Variants in PEX5L observed in about 807,000 individuals in gnomAD.
The protein encoded by PEX5L is PEX5-related protein.
A neutral mutation model predicts 84.0 loss-of-function variants in PEX5L; 30 were observed. The observed-to-expected ratio is 0.36, with a 90% CI of 0.27 to 0.48. The LOEUF is 0.48. Among genes scored for constraint, PEX5L ranks in the 20% least tolerant of loss-of-function variants. The pLI is 0.99. For missense variants in PEX5L, 533 were observed against 754.6 expected, an observed-to-expected ratio of 0.71 and a Z score of 3.44; for synonymous variants, 270 against 283.1, an observed-to-expected ratio of 0.95 and a Z score of 0.46.
chr3:179,973,413 G>C, intron 1 of PEX5L: 1 of 1,101,738 alleles, frequency 9.1e-7, no homozygotes, highest in Non-Finnish European at 1.1e-6. Flanking sequence ...TTTTTGGCTA[G>C]CACAAAAAAC....
chr3:179,891,218 T>C (rs1336936990), intron 3 of PEX5L, among the ~76,000 whole-genome samples: 4 of 152,164 alleles, frequency 2.6e-5, no homozygotes, highest in South Asian at 4.1e-4. Flanking sequence ...ACACCTGGAC[T>C]GATGGAACTG....
chr3:180,013,236 GT>G (rs896810263), intron 1 of PEX5L, among the ~76,000 whole-genome samples: 33 of 152,144 alleles, frequency 2.2e-4, no homozygotes, highest in African/African-American at 7.7e-4. Flanking sequence ...TTTTTGTAAT[GT>G]TAAAGCATTA....
chr3:179,951,745 T>A (rs1200186407), intron 2 of PEX5L, among the ~76,000 whole-genome samples: 1 of 152,138 alleles, frequency 6.6e-6, no homozygotes, highest in Non-Finnish European at 1.5e-5. Context: ...AGCCACTTTG[T>A]TTATATATGA....
intron 2 of PEX5L, among the ~76,000 whole-genome samples, chr3:179,943,596 G>C (rs1776730430): frequency 6.6e-6 from 1 of 152,174 alleles, no homozygotes; most frequent in South Asian, 2.1e-4. Flanking sequence ...AACTTTCTGG[G>C]AAGCTGAATG....
At chr3:180,032,961 T>G (rs1446733146) in intron 1 of PEX5L, among the ~76,000 whole-genome samples, 1 of 152,200 alleles carries the variant, frequency 6.6e-6, no homozygotes, top group Non-Finnish European at 1.5e-5. Context: ...AGGGCCTCAA[T>G]TATGATAACC....
At chr3:179,864,149 C>T (rs554029488) in intron 7 of PEX5L, among the ~76,000 whole-genome samples, 2 of 152,040 alleles carry the variant, frequency 1.3e-5, no homozygotes, top group South Asian at 2.1e-4. Context: ...TACCCAGTCT[C>T]GGGTATGTTT....
intron 7 of PEX5L, 132 bp from the exon 8 acceptor site, chr3:179,859,289 G>A: frequency 1.5e-6 from 1 of 683,138 alleles, no homozygotes; most frequent in Non-Finnish European, 2.5e-6. Context: ...GACATTTTTG[G>A]AGTACTGTGC....
At chr3:179,845,735 T>A (rs1739069760) in intron 8 of PEX5L, among the ~76,000 whole-genome samples, 1 of 152,194 alleles carries the variant, frequency 6.6e-6, no homozygotes, top group African/African-American at 2.4e-5. Context: ...TCCCTTAACA[T>A]CTCTGGATTT....
chr3:180,025,756 C>T (rs143622676), intron 1 of PEX5L, among the ~76,000 whole-genome samples: 106 of 152,298 alleles, frequency 7.0e-4, no homozygotes, highest in Middle Eastern at 6.8e-3. Flanking sequence ...ATAACAGGCA[C>T]GCCGTGGCTA....
chr3:179,894,079 T>C (rs1404124409), intron 3 of PEX5L, among the ~76,000 whole-genome samples: 1 of 152,040 alleles, frequency 6.6e-6, no homozygotes, highest in Non-Finnish European at 1.5e-5. Context: ...ACATTGTTAA[T>C]TTAAAGTCAT....
chr3:179,805,824 T>C (rs1014448689), intron 14 of PEX5L, among the ~76,000 whole-genome samples: 25 of 152,126 alleles, frequency 1.6e-4, no homozygotes, highest in Admixed American at 1.3e-4. Flanking sequence ...TTACCTGTCA[T>C]GAGCCTTCAT....
chr3:179,848,546 T>G (rs1577562698), intron 8 of PEX5L, among the ~76,000 whole-genome samples: 1 of 108,694 alleles, frequency 9.2e-6, no homozygotes. Context: ...GAGTGAAACC[T>G]CTCTCAAAAA....
At chr3:179,815,738 GC>G in intron 10 of PEX5L, 122 bp downstream of exon 10, 2 of 1,032,048 alleles carry the variant, frequency 1.9e-6, no homozygotes, top group Non-Finnish European at 1.4e-6. Flanking sequence ...AGTAGACTAA[GC>G]TAGGTTAACT....
At chr3:179,899,561 C>T (rs28651290) in intron 2 of PEX5L, among the ~76,000 whole-genome samples, 13,239 of 152,122 alleles carry the variant, frequency 0.087, 797 homozygotes, top group Non-Finnish European at 0.14. Flanking sequence ...TTTCAAAGGG[C>T]TTTAAGTATT....
At chr3:180,019,281 T>A (rs892249654) in intron 1 of PEX5L, among the ~76,000 whole-genome samples, 1 of 152,216 alleles carries the variant, frequency 6.6e-6, no homozygotes, top group East Asian at 1.9e-4. Context: ...ACTCATATAA[T>A]CGTGCTTACT....
chr3:179,910,930 G>T (rs1764948848), intron 2 of PEX5L, among the ~76,000 whole-genome samples: 1 of 152,150 alleles, frequency 6.6e-6, no homozygotes, highest in Admixed American at 6.5e-5. Context: ...ATACACGTAT[G>T]AAGTTTGCTC....
chr3:179,901,942 T>C (rs1304612672), intron 2 of PEX5L: 2 of 152,192 alleles, frequency 1.3e-5, no homozygotes, highest in Non-Finnish European at 2.9e-5. Context: ...AGAAACAGCA[T>C]ACACAATACT....
chr3:179,891,377 G>C (rs1457088598), intron 3 of PEX5L, among the ~76,000 whole-genome samples: 1 of 152,144 alleles, frequency 6.6e-6, no homozygotes. Flanking sequence ...GGGCTGAAGT[G>C]GGGGATAATA....
chr3:179,851,453 GA>G (rs1331196841), intron 8 of PEX5L, among the ~76,000 whole-genome samples: 2 of 152,178 alleles, frequency 1.3e-5, no homozygotes, highest in Admixed American at 1.3e-4. Flanking sequence ...TCTCACTGGG[GA>G]TTGGGCTTCA....
Sources: allele counts gnomAD v4.1 joint callset (sites outside exome capture counted in the v4.1 genomes callset), GRCh38; gene constraint gnomAD v4.1.1; transcripts MANE v1.5; gene names NCBI Gene and HGNC (gene_info 2026-07-23, HGNC 2026-07-21).